The following PCDH9 variants were observed in gnomAD, a reference collection of about 807,000 sequenced individuals.
PCDH9 encodes the protein protocadherin 9, also known as protocadherin-9.
A neutral mutation model predicts 70.6 loss-of-function variants in PCDH9; 24 were observed. The observed-to-expected ratio is 0.34, with a 90% confidence interval of 0.25 to 0.48. The LOEUF is 0.48. Among genes scored for constraint, PCDH9 ranks in the 20% least tolerant of loss-of-function variants. The probability of loss-of-function intolerance (pLI) is 0.99; values close to 1 mark genes in which losing one functional copy is unlikely to be tolerated. For missense variants in PCDH9, 1,281 were observed against 1,503.6 expected (o/e 0.85, Z 2.45); for synonymous variants, 562 against 558.5 (o/e 1.01, Z -0.09).
chr13:66,642,226 A>G lies in PCDH9; in HGVS notation c.3139-10815T>C, dbSNP rs149323557. On this transcript the variant is annotated intron_variant, in intron 3 of 4. Coordinates refer to ENST00000377865, the MANE Select transcript of PCDH9 (RefSeq NM_203487.3). ...TCAAACATATCTGAGATCTTTACTT[A>G]TTAATGTTGAAAATAAAATCCAAAC... Among the ~76,000 whole-genome samples, 14 of 152,212 alleles carry G rather than the reference A, an allele frequency of 9.2e-5. No individual in the cohort carries two copies. The East Asian group carries it at 2.7e-3, about 29-fold the overall frequency.
chr13:67,219,855 A>G (rs1217544253), intron 2 of PCDH9: 3 of 152,080 alleles, frequency 2.0e-5, no homozygotes, highest in African/African-American at 4.8e-5. Flanking sequence ...TAGTTATAAT[A>G]AAGAATTATC....
chr13:67,102,340 C>T (rs528582763), intron 2 of PCDH9, among the ~76,000 whole-genome samples: 13 of 152,086 alleles, frequency 8.5e-5, no homozygotes, highest in Admixed American at 6.6e-5. Context: ...TCAGCCTCCA[C>T]GGACTCTTCT....
intron 2 of PCDH9, among the ~76,000 whole-genome samples, chr13:67,097,249 G>A (rs766343353): frequency 5.3e-5 from 8 of 151,612 alleles, no homozygotes; most frequent in Non-Finnish European, 8.8e-5. Context: ...GAGTGAGACC[G>A]TGTTTCAAAA....
rs142338465 is a variant in PCDH9, at chr13:66,474,085, A to C, written c.3340+157125T>G. ...GGAAATTGACTCTGACAACAAATGC[A>C]TTCAATATATTATTGTGAATCTAGA... On this transcript the variant is annotated intron_variant, in intron 4 of 4. Transcript: ENST00000377865. 3.6e-3 allele frequency among the ~76,000 whole-genome samples: 554 copies of C among 152,302 alleles called. 6 individuals are homozygous for C. The highest frequency in any genetic ancestry group is 0.013 in the African/African-American group (536 of 41,584).
chr13:66,527,213 G>C (rs1263281122), intron 4 of PCDH9, among the ~76,000 whole-genome samples: 2 of 147,102 alleles, frequency 1.4e-5, no homozygotes, highest in African/African-American at 5.4e-5. Context: ...CCAAATTACT[G>C]TAAGTGTCAG....
chr13:67,091,968 G>A (rs1345670891), intron 2 of PCDH9, among the ~76,000 whole-genome samples: 3 of 152,040 alleles, frequency 2.0e-5, no homozygotes, highest in Non-Finnish European at 4.4e-5. Context: ...AGGTGTGTAG[G>A]TTTTAAGATA....
At chr13:66,590,650 C>A (rs2077026655) in intron 4 of PCDH9, among the ~76,000 whole-genome samples, 1 of 151,782 alleles carries the variant, frequency 6.6e-6, no homozygotes, top group South Asian at 2.1e-4. Flanking sequence ...GAAACTTGTT[C>A]TCAGTGTTTG....
chr13:66,434,484 T>C lies in PCDH9; in HGVS notation c.3341-129456A>G, dbSNP rs886614818. 3.3e-5 allele frequency among the ~76,000 whole-genome samples: 5 copies of C among 152,028 alleles called. No individual in the cohort carries two copies. In the East Asian group the frequency reaches 9.6e-4, roughly 29 times the overall value. On this transcript the variant is annotated intron_variant, in intron 4 of 4. Coordinates refer to ENST00000377865, the MANE Select transcript of PCDH9 (RefSeq NM_203487.3). ...ATTCTGCCTCTAAAATATGGTACAT[T>C]AAAGTGAAGGATATCCCTGTTGTGT...
chr13:67,055,365 GTATATTTGAA>G (rs1566392818), intron 2 of PCDH9, among the ~76,000 whole-genome samples: 1 of 152,174 alleles, frequency 6.6e-6, no homozygotes, highest in Non-Finnish European at 1.5e-5. Context: ...ATAGTTACAT[GTATATTTGAA>G]CAGGTATTAT....
intron 2 of PCDH9, chr13:67,202,336 T>TCCA (rs2089234297): frequency 6.6e-6 from 1 of 152,194 alleles, no homozygotes; most frequent in Non-Finnish European, 1.5e-5. Context: ...ATTATTGTTA[T>TCCA]GTTTCACATC....
intron 2 of PCDH9, among the ~76,000 whole-genome samples, chr13:66,917,412 T>C (rs1024061705): frequency 6.6e-6 from 1 of 151,546 alleles, no homozygotes; most frequent in Non-Finnish European, 1.5e-5. Context: ...AAACATTTTA[T>C]ATTTCAAATC....
rs147547981 is a variant in PCDH9, at chr13:66,497,168, G to T, written c.3340+134042C>A. Among the ~76,000 whole-genome samples, 1,062 of 151,696 alleles carry T rather than the reference G, an allele frequency of 7.0e-3. 35 individuals are homozygous for T. In the East Asian group the frequency reaches 0.091, roughly 13 times the overall value. Reference sequence around the variant, plus strand: ...CTGCAACCTCCTCTCCCCCTGCTCAGGTGATCCTCTTTGCCTCAACTTCCC... The same window carrying T: ...CTGCAACCTCCTCTCCCCCTGCTCATGTGATCCTCTTTGCCTCAACTTCCC... On this transcript the variant is annotated intron_variant, in intron 4 of 4. Transcript: ENST00000377865.
intron 4 of PCDH9, among the ~76,000 whole-genome samples, chr13:66,360,374 G>T (rs1956449919): frequency 6.6e-6 from 1 of 151,998 alleles, no homozygotes; most frequent in Non-Finnish European, 1.5e-5. Context: ...CAAAAATGGG[G>T]GAAGTGTTTA....
intron 2 of PCDH9, among the ~76,000 whole-genome samples, chr13:67,127,285 C>T (rs191769682): frequency 2.6e-4 from 40 of 152,278 alleles, no homozygotes; most frequent in African/African-American, 9.1e-4. Flanking sequence ...AAGCCATCCT[C>T]ATCCAAGGCC....
chr13:66,757,126 C>CA (rs2139239485), intron 3 of PCDH9, among the ~76,000 whole-genome samples: 1 of 152,252 alleles, frequency 6.6e-6, no homozygotes, highest in Non-Finnish European at 1.5e-5. Context: ...CATGAGCCAC[C>CA]AACACCCCAG....
intron 3 of PCDH9, among the ~76,000 whole-genome samples, chr13:66,870,238 T>C (rs1177373389): frequency 1.3e-5 from 2 of 152,140 alleles, no homozygotes; most frequent in Non-Finnish European, 2.9e-5. Context: ...GTTGTAGATA[T>C]GCGGTGTTAT....
At chr13:66,404,312 A>G (rs1957242561) in intron 4 of PCDH9, among the ~76,000 whole-genome samples, 1 of 152,204 alleles carries the variant, frequency 6.6e-6, no homozygotes, top group Non-Finnish European at 1.5e-5. Context: ...CAAAGAAATT[A>G]TAGTCAGAGA....
chr13:66,979,836 T>C (rs1453026997), intron 2 of PCDH9, among the ~76,000 whole-genome samples: 3 of 152,104 alleles, frequency 2.0e-5, no homozygotes, highest in African/African-American at 7.2e-5. Flanking sequence ...CTCCTTCTTT[T>C]TTGTCTCTTG....
chr13:66,538,679 T>C (rs796440658), intron 4 of PCDH9, among the ~76,000 whole-genome samples: 9 of 152,206 alleles, frequency 5.9e-5, no homozygotes, highest in African/African-American at 2.2e-4. Context: ...TCACTCAAAT[T>C]ATGGAGAGTG....
Sources: gnomAD v4.1 joint callset for allele counts (sites outside exome capture counted in the v4.1 genomes callset) on GRCh38, gnomAD v4.1.1 for gene constraint, MANE v1.5 for transcripts, NCBI Gene and HGNC (gene_info 2026-07-23, HGNC 2026-07-21) for gene names.